GRID1: variants seen among roughly 807,000 people sequenced by gnomAD.
GRID1 encodes the protein glutamate ionotropic receptor delta type subunit 1.
Under a neutral mutation model 98.0 loss-of-function variants are expected in GRID1, and 28 were observed. The ratio of observed to expected loss-of-function variants is 0.29; its 90% confidence interval spans 0.21 to 0.39. The LOEUF is 0.39. Ranked by LOEUF, GRID1 falls within the 10% of genes least tolerant of loss-of-function variation. The pLI is 1.00. For missense variants in GRID1, 1,111 were observed against 1,340.5 expected, an observed-to-expected ratio of 0.83 and a Z score of 2.67; for synonymous variants, 553 against 538.5, an observed-to-expected ratio of 1.03 and a Z score of -0.37.
intron 8 of GRID1, among the ~76,000 whole-genome samples, chr10:85,811,677 A>C (rs1203650475): frequency 2.6e-5 from 4 of 152,194 alleles, no homozygotes; most frequent in African/African-American, 9.6e-5. Flanking sequence ...GAGAAAGAAC[A>C]AATAAAGAAA....
intron 3 of GRID1, among the ~76,000 whole-genome samples, chr10:86,147,786 C>A (rs371306953): frequency 2.0e-5 from 3 of 152,322 alleles, no homozygotes; most frequent in African/African-American, 7.2e-5. Flanking sequence ...GCAAACCAAC[C>A]AATCCAGAGC....
At chr10:86,132,807 C>G (rs1844857736) in intron 4 of GRID1, among the ~76,000 whole-genome samples, 1 of 152,238 alleles carries the variant, frequency 6.6e-6, no homozygotes. Flanking sequence ...GAAGACAGGA[C>G]TAAACCCAGG....
chr10:85,868,584 G>A (rs1843245259), intron 6 of GRID1, among the ~76,000 whole-genome samples: 1 of 152,164 alleles, frequency 6.6e-6, no homozygotes, highest in South Asian at 2.1e-4. Flanking sequence ...CTCAGCCAAT[G>A]TGCTGGGATA....
intron 2 of GRID1, among the ~76,000 whole-genome samples, chr10:86,340,313 G>T (rs994096417): frequency 5.3e-5 from 8 of 152,202 alleles, no homozygotes; most frequent in Non-Finnish European, 1.2e-4. Context: ...CAAAATATCG[G>T]ACAGGAAAGG....
intron 5 of GRID1, among the ~76,000 whole-genome samples, chr10:85,869,776 C>T (rs1449640678): frequency 6.6e-6 from 1 of 152,200 alleles, no homozygotes; most frequent in African/African-American, 2.4e-5. Flanking sequence ...TCCCATAAAT[C>T]TCATGGGCAT....
chr10:86,183,270 T>A (rs1845682177), intron 3 of GRID1, among the ~76,000 whole-genome samples: 1 of 152,208 alleles, frequency 6.6e-6, no homozygotes, highest in Admixed American at 6.5e-5. Context: ...TTCATCCATG[T>A]TGTTGCTTGT....
intron 4 of GRID1, among the ~76,000 whole-genome samples, chr10:86,078,122 T>C (rs558915419): frequency 2.0e-5 from 3 of 152,348 alleles, no homozygotes; most frequent in Admixed American, 1.3e-4. Context: ...ATCCTGCCCA[T>C]CCATGGGCCA....
chr10:85,784,058 T>C (rs968910213), intron 8 of GRID1, among the ~76,000 whole-genome samples: 1 of 152,196 alleles, frequency 6.6e-6, no homozygotes, highest in African/African-American at 2.4e-5. Flanking sequence ...CTCTCCAACA[T>C]GTCAAACCTT....
intron 4 of GRID1, among the ~76,000 whole-genome samples, chr10:86,056,274 T>A (rs900863788): frequency 6.6e-6 from 1 of 152,226 alleles, no homozygotes; most frequent in African/African-American, 2.4e-5. Context: ...TAGATGATGA[T>A]GCTGAAGACC....
intron 12 of GRID1, among the ~76,000 whole-genome samples, chr10:85,659,008 T>A (rs908887523): frequency 2.0e-5 from 3 of 152,116 alleles, no homozygotes; most frequent in African/African-American, 7.2e-5. Flanking sequence ...AATGGAAAAA[T>A]GATAAGCTAT....
chr10:86,182,927 G>C (rs898709951), intron 3 of GRID1, among the ~76,000 whole-genome samples: 1 of 152,212 alleles, frequency 6.6e-6, no homozygotes, highest in Admixed American at 6.5e-5. Context: ...CCTGTGACGG[G>C]CAGCATGGTA....
chr10:85,764,788 T>C (rs2132702451), intron 8 of GRID1, among the ~76,000 whole-genome samples: 1 of 152,320 alleles, frequency 6.6e-6, no homozygotes. Context: ...TAACATTGCA[T>C]GCATGTCAGC....
intron 4 of GRID1, among the ~76,000 whole-genome samples, chr10:85,929,308 G>A (rs752897899): frequency 2.0e-5 from 3 of 152,062 alleles, no homozygotes; most frequent in Non-Finnish European, 4.4e-5. Flanking sequence ...CACTCCCCAC[G>A]AGAACAGCAG....
chr10:86,028,456 G>C (rs994345464), intron 4 of GRID1, among the ~76,000 whole-genome samples: 1 of 152,182 alleles, frequency 6.6e-6, no homozygotes, highest in East Asian at 1.9e-4. Context: ...AAGTGAACTG[G>C]CCCTGGTCTT....
chr10:85,799,818 TTAAAGA>T (rs1356424200), intron 8 of GRID1, among the ~76,000 whole-genome samples: 1 of 152,008 alleles, frequency 6.6e-6, no homozygotes, highest in Non-Finnish European at 1.5e-5. Context: ...GTGACTACAG[TTAAAGA>T]TAGTGTGTTG....
At chr10:85,843,459 C>A (rs191123648) in intron 8 of GRID1, among the ~76,000 whole-genome samples, 7 of 152,036 alleles carry the variant, frequency 4.6e-5, no homozygotes, top group Admixed American at 2.0e-4. Context: ...AAATGTAAAA[C>A]TTTAGCTTTG....
At chr10:86,117,893 G>A (rs190687461) in intron 4 of GRID1, among the ~76,000 whole-genome samples, 44 of 152,324 alleles carry the variant, frequency 2.9e-4, no homozygotes, top group Admixed American at 4.6e-4. Context: ...ACAACAGTGT[G>A]GAGATACCTT....
Position 85,647,312 on chromosome 10 carries a change from C to T in GRID1, c.2083G>A (p.Gly695Ser). 6.2e-7 allele frequency: 1 copy of T among 1,614,182 alleles called. No individual in the cohort carries two copies. Among genetic ancestry groups the T allele is most frequent in the East Asian group, 2.2e-5 (1 of 44,886 alleles). Residue 695 changes from glycine to serine, a missense_variant, in exon 13 of 16, where the codon GGC becomes AGC. Gly to Ser is a moderately conservative substitution (Grantham distance 56, BLOSUM62 0). Around this residue, in one of 3 missense-constraint regions of GRID1, gnomAD observed 762 missense variants for 869.1 expected, o/e 0.88. Transcript: ENST00000327946. ...SAVYEYFRAK[G>S]TNPLEQDSTF... Reference sequence around the variant, plus strand: ...CTGTCCTGCTCCAGGGGGTTGGTGCCCTTGGCTCGGAAGTACTCATATACA... The same window carrying T: ...CTGTCCTGCTCCAGGGGGTTGGTGCTCTTGGCTCGGAAGTACTCATATACA...
At chr10:86,227,204 G>A (rs552971843) in intron 2 of GRID1, among the ~76,000 whole-genome samples, 1 of 152,350 alleles carries the variant, frequency 6.6e-6, no homozygotes, top group South Asian at 2.1e-4. Context: ...GCCTGGAAAG[G>A]TGGAGTTGAG....
Sources: gnomAD v4.1 joint callset for allele counts (sites outside exome capture counted in the v4.1 genomes callset) on GRCh38, gnomAD v4.1.1 for gene constraint, gnomAD v4.1.1 regional missense constraint, MANE v1.5 for transcripts, NCBI Gene and HGNC (gene_info 2026-07-23, HGNC 2026-07-21) for gene names.